The following MAGI2 variants were observed in gnomAD, a reference collection of about 807,000 sequenced individuals.
MAGI2 encodes membrane associated guanylate kinase, WW and PDZ domain containing 2.
In MAGI2, 35 loss-of-function variants were observed where a neutral mutation model predicts 133.3. The observed-to-expected ratio is 0.26, with a 90% CI of 0.20 to 0.35. The LOEUF is 0.35. MAGI2 is among the 10% of genes least tolerant of loss of function. MAGI2 has a pLI of 1.00. For synonymous variants in MAGI2, 729 were observed against 710.6 expected (o/e 1.03, Z -0.41); for missense variants, 1,636 against 1,863.4 (o/e 0.88, Z 2.25).
chr7:78,118,002 T>C (rs529667744), intron 20 of MAGI2, among the ~76,000 whole-genome samples: 1 of 152,300 alleles, frequency 6.6e-6, no homozygotes, highest in Non-Finnish European at 1.5e-5. Flanking sequence ...GGTGAAAGAA[T>C]AGACGAATAG....
intron 1 of MAGI2, among the ~76,000 whole-genome samples, chr7:79,093,143 A>C (rs1817211318): frequency 6.6e-6 from 1 of 151,988 alleles, no homozygotes; most frequent in Admixed American, 6.6e-5. Flanking sequence ...TGGAATTGAC[A>C]TAAAATATAC....
At chr7:79,354,103 G>A (rs1841861015) in intron 1 of MAGI2, 1 of 152,458 alleles carries the variant, frequency 6.6e-6, no homozygotes, top group Admixed American at 6.5e-5. Context: ...GAACATGGAG[G>A]CCATGCTAAT....
At chr7:78,690,967 T>C (rs558811511) in intron 2 of MAGI2, among the ~76,000 whole-genome samples, 32 of 152,286 alleles carry the variant, frequency 2.1e-4, no homozygotes, top group African/African-American at 7.7e-4. Flanking sequence ...GAGCACAACA[T>C]TTTCACATGG....
intron 6 of MAGI2, among the ~76,000 whole-genome samples, chr7:78,447,842 T>C (rs1463552995): frequency 6.6e-6 from 1 of 152,134 alleles, no homozygotes; most frequent in Non-Finnish European, 1.5e-5. Flanking sequence ...TAACCATAGT[T>C]ACCCACTGTG....
chr7:79,312,514 G>A lies in MAGI2; in HGVS notation c.301+140506C>T, dbSNP rs372209439. Among the ~76,000 whole-genome samples, 249 of 152,066 alleles carry A rather than the reference G, an allele frequency of 1.6e-3. 1 individual carries two copies. The highest frequency in any genetic ancestry group is 5.4e-3 in the African/African-American group (225 of 41,486). ...TTGCTTGTCTATTCTATGTAATACC[G>A]CAACGTAGCCTCACCAACACAGTCT... On this transcript the variant is annotated intron_variant, in intron 1 of 21. Coordinates refer to ENST00000354212, the MANE Select transcript of MAGI2 (RefSeq NM_012301.4).
At chr7:78,720,292 T>C (rs866789409) in intron 2 of MAGI2, among the ~76,000 whole-genome samples, 6 of 152,162 alleles carry the variant, frequency 3.9e-5, no homozygotes, top group East Asian at 1.9e-4. Flanking sequence ...ATGCTTCCTA[T>C]GTGCCAGTCA....
intron 2 of MAGI2, among the ~76,000 whole-genome samples, chr7:78,888,892 G>A (rs1796491772): frequency 6.6e-6 from 1 of 152,224 alleles, no homozygotes; most frequent in Non-Finnish European, 1.5e-5. Flanking sequence ...TGACTTTGAT[G>A]AGTTGAGAGA....
intron 1 of MAGI2, among the ~76,000 whole-genome samples, chr7:79,255,736 T>A (rs1833635483): frequency 6.6e-6 from 1 of 152,094 alleles, no homozygotes; most frequent in Admixed American, 6.6e-5. Context: ...AGCTAGACGG[T>A]CTACAGAACT....
intron 2 of MAGI2, among the ~76,000 whole-genome samples, chr7:78,857,288 T>C (rs1169670735): frequency 6.6e-6 from 1 of 152,110 alleles, no homozygotes; most frequent in Non-Finnish European, 1.5e-5. Context: ...TCCAACACTA[T>C]GTTGAATAGG....
chr7:78,280,941 A>G (rs1295717596), intron 9 of MAGI2, among the ~76,000 whole-genome samples: 2 of 151,860 alleles, frequency 1.3e-5, no homozygotes, highest in Non-Finnish European at 2.9e-5. Flanking sequence ...GTGGGTCATC[A>G]CACCATGGCA....
intron 9 of MAGI2, among the ~76,000 whole-genome samples, chr7:78,280,060 G>C (rs189960190): frequency 6.6e-6 from 1 of 152,124 alleles, no homozygotes. Context: ...CCTTCAGAGT[G>C]ACCTCTGGGA....
At chr7:78,596,786 C>T (rs976697205) in intron 3 of MAGI2, among the ~76,000 whole-genome samples, 3 of 152,128 alleles carry the variant, frequency 2.0e-5, no homozygotes, top group Admixed American at 2.0e-4. Flanking sequence ...GATTGTCATC[C>T]AAATGTCATC....
intron 3 of MAGI2, among the ~76,000 whole-genome samples, chr7:78,605,854 T>C (rs1486611542): frequency 6.6e-6 from 1 of 152,222 alleles, no homozygotes; most frequent in Admixed American, 6.5e-5. Flanking sequence ...TTATGGAGAC[T>C]GTGACGGGAG....
chr7:78,739,367 G>T (rs1822174061), intron 2 of MAGI2, among the ~76,000 whole-genome samples: 1 of 152,198 alleles, frequency 6.6e-6, no homozygotes, highest in Non-Finnish European at 1.5e-5. Context: ...TAGAAACAAA[G>T]ATAAGGCAAG....
chr7:78,275,829 G>A (rs1256263263), intron 9 of MAGI2, among the ~76,000 whole-genome samples: 1 of 152,186 alleles, frequency 6.6e-6, no homozygotes, highest in Non-Finnish European at 1.5e-5. Context: ...AATATGGAGA[G>A]AGCAGTTAGC....
At chr7:79,268,553 C>T (rs1409871332) in intron 1 of MAGI2, among the ~76,000 whole-genome samples, 1 of 152,178 alleles carries the variant, frequency 6.6e-6, no homozygotes, top group Non-Finnish European at 1.5e-5. Flanking sequence ...GTCCCAGCAT[C>T]ACAGAGAATG....
rs149158677 is a variant in MAGI2 at position 79,349,268 on chromosome 7, T to C, written c.301+103752A>G. On this transcript the variant is annotated intron_variant, in intron 1 of 21. Transcript: ENST00000354212. ...TAAAATGATACAAATAAATTCTAAA[T>C]ACAGCATTAGCATTCATTATCTTGC... is the stretch of plus-strand genomic sequence containing the variant. 1.4e-4 allele frequency among the ~76,000 whole-genome samples: 22 copies of C among 152,104 alleles called. No homozygotes were observed. The East Asian group carries it at 4.2e-3, about 29-fold the overall frequency.
intron 1 of MAGI2, among the ~76,000 whole-genome samples, chr7:79,391,541 A>AC: frequency 3.4e-5 from 1 of 29,178 alleles, no homozygotes; most frequent in African/African-American, 4.7e-4. Flanking sequence ...ATATATAGAC[A>AC]TATATATATA....
At chr7:79,253,981 T>TCAAAA (rs71951560) in intron 1 of MAGI2, among the ~76,000 whole-genome samples, 5,756 of 151,134 alleles carry the variant, frequency 0.038, 166 homozygotes, top group Non-Finnish European at 0.05. Flanking sequence ...AAATTGCCCT[T>TCAAAA]CAAAACAAAA....
Sources: allele counts gnomAD v4.1 joint callset (sites outside exome capture counted in the v4.1 genomes callset), GRCh38; gene constraint gnomAD v4.1.1; transcripts MANE v1.5; gene names NCBI Gene and HGNC (gene_info 2026-07-23, HGNC 2026-07-21).